RBM33: variants seen among roughly 807,000 people sequenced by gnomAD.
RBM33 encodes RNA binding motif protein 33, also known as RNA-binding protein 33.
In RBM33, 28 loss-of-function variants were observed where a neutral mutation model predicts 132.6. That is an observed-to-expected ratio of 0.21 (90% CI 0.16 to 0.29). RBM33 has a LOEUF of 0.29. Ranked by LOEUF, RBM33 falls within the 10% of genes least tolerant of loss-of-function variation. The pLI, the probability that RBM33 is intolerant of heterozygous loss-of-function variation, is 1.00. For missense variants in RBM33, 1,291 were observed against 1,518.5 expected, an observed-to-expected ratio of 0.85 and a Z score of 2.49; for synonymous variants, 634 against 593.0, an observed-to-expected ratio of 1.07 and a Z score of -1.01.
chr7:155,654,520 C>G (rs1320475489), intron 1 of RBM33, among the ~76,000 whole-genome samples: 1 of 152,176 alleles, frequency 6.6e-6, no homozygotes, highest in South Asian at 2.1e-4. Flanking sequence ...GACTACTTCT[C>G]TCTATGAGTG....
In RBM33 at chr7:155,711,520, A is replaced by AT. The variant is rs535073756; in HGVS notation, c.1201+70dup. The AT allele has an allele frequency of 3.2e-4, 358 of 1,103,810 alleles. No homozygotes were observed. In the African/African-American group the frequency reaches 5.2e-3, roughly 16 times the overall value. 68.4% of individuals were successfully genotyped at this position (1,103,810 alleles called of 1,614,324 possible). A position where few individuals can be genotyped will look rare whatever the true frequency, so the allele number is the denominator to read the frequency against. On this transcript the variant is annotated intron_variant, in intron 8 of 17. Coordinates refer to ENST00000401878, the MANE Select transcript of RBM33 (RefSeq NM_053043.3). The stretch of plus-strand genomic sequence containing the variant: ...CCAGCTTCCAATGGTTTGACTTAGG[A>AT]TTTTTCCACTGACGCGTTTTTGACT...
intron 9 of RBM33, among the ~76,000 whole-genome samples, chr7:155,733,876 C>G (rs1472298856): frequency 6.6e-6 from 1 of 152,190 alleles, no homozygotes; most frequent in African/African-American, 2.4e-5. Flanking sequence ...GTTCTTAAGT[C>G]TTCTAATCTG....
At chr7:155,762,239 C>CT (rs1293262509) in intron 14 of RBM33, among the ~76,000 whole-genome samples, 4 of 152,228 alleles carry the variant, frequency 2.6e-5, no homozygotes, top group Non-Finnish European at 5.9e-5. Context: ...GGTGTGCTGC[C>CT]TGTTCCAAAC....
intron 7 of RBM33, among the ~76,000 whole-genome samples, chr7:155,710,881 T>C (rs961394704): frequency 2.7e-5 from 4 of 150,026 alleles, no homozygotes; most frequent in Non-Finnish European, 2.9e-5. Context: ...CTTTGCTCAG[T>C]GTGGGCAGTT....
chr7:155,739,819 G>GGCCC lies in RBM33; in HGVS notation c.1842_1843insGCCC (p.Pro615AlafsTer71). On this transcript the variant is annotated frameshift_variant, in exon 12 of 18. Coordinates refer to ENST00000401878, the MANE Select transcript of RBM33 (RefSeq NM_053043.3). LOFTEE classifies it high-confidence loss of function. Reference sequence around the variant, plus strand: ...AGCCTCCGCACCAGCCCCCGCACCAGCCCCCGCCCCAGCACCAGCCCCCAC... The same window carrying GGCCC: ...AGCCTCCGCACCAGCCCCCGCACCAGGCCCCCCCCGCCCCAGCACCAGCCCCCAC... 8.5e-6 allele frequency: 4 copies of GGCCC among 469,802 alleles called. No homozygotes were observed. The highest frequency in any genetic ancestry group is 1.2e-5 in the Non-Finnish European group (4 of 333,160). 29.1% of individuals were successfully genotyped at this position (469,802 alleles called of 1,614,324 possible). A position where few individuals can be genotyped will look rare whatever the true frequency, so the allele number is the denominator to read the frequency against.
chr7:155,669,898 G>A (rs188248965), intron 2 of RBM33, among the ~76,000 whole-genome samples: 21 of 152,224 alleles, frequency 1.4e-4, no homozygotes, highest in African/African-American at 4.3e-4. Flanking sequence ...CCCAATGGGC[G>A]AATCCATCTG....
At chr7:155,685,026 G>T (rs1307147302) in intron 5 of RBM33, 2 of 1,550,280 alleles carry the variant, frequency 1.3e-6, no homozygotes, top group Non-Finnish European at 1.7e-6. Context: ...GATTACTGAT[G>T]CCCAGGTTGC....
At chr7:155,733,494 T>TTTAATGTCATAAGTTTTAGTATTTTAA (rs371707109) in intron 9 of RBM33, among the ~76,000 whole-genome samples, 2 of 152,212 alleles carry the variant, frequency 1.3e-5, no homozygotes, top group South Asian at 2.1e-4. Flanking sequence ...TCATAAGTTT[T>TTTAATGTCATAAGTTTTAGTATTTTAA]AGCTTCCTCA....
intron 14 of RBM33, among the ~76,000 whole-genome samples, chr7:155,755,600 G>A (rs1801823343): frequency 6.6e-6 from 1 of 152,186 alleles, no homozygotes; most frequent in Non-Finnish European, 1.5e-5. Context: ...CGTCTGATAG[G>A]TATAATCAAG....
chr7:155,648,757 G>A (rs1197198474), intron 1 of RBM33, among the ~76,000 whole-genome samples: 1 of 152,106 alleles, frequency 6.6e-6, no homozygotes, highest in East Asian at 1.9e-4. Flanking sequence ...TAGGGCAGGT[G>A]TACTAATGAC....
intron 14 of RBM33, among the ~76,000 whole-genome samples, chr7:155,759,486 C>T (rs560269344): frequency 1.1e-4 from 16 of 143,858 alleles, no homozygotes; most frequent in African/African-American, 3.1e-4. Flanking sequence ...GGTGCGATCT[C>T]GGCTCACTGC....
intron 14 of RBM33, among the ~76,000 whole-genome samples, chr7:155,753,270 A>C (rs973702374): frequency 6.6e-6 from 1 of 152,218 alleles, no homozygotes; most frequent in Non-Finnish European, 1.5e-5. Context: ...TTGCCTCCTG[A>C]AAGTCCTCCT....
chr7:155,673,017 G>A, intron 3 of RBM33, 102 bp downstream of exon 3: 1 of 677,980 alleles, frequency 1.5e-6, no homozygotes, highest in Non-Finnish European at 2.3e-6. Context: ...TGGAAAGTTG[G>A]GTATAGATTA....
At position 155,738,153 on chromosome 7, in the gene RBM33, A is replaced by G; in HGVS notation, c.1487A>G (p.His496Arg). Reference sequence around the variant, plus strand: ...CCTCCTACCCTTCTTAACAGTAGCCATCCTGTTCCTACTCAGAGTCCTCTA... The same window carrying G: ...CCTCCTACCCTTCTTAACAGTAGCCGTCCTGTTCCTACTCAGAGTCCTCTA... ...PPPPTLLNSS[H>R]PVPTQSPLPF... The change falls in exon 11 of 18, where the codon CAT becomes CGT. Residue 496 changes from histidine (H) to arginine (R), a missense_variant. By Grantham distance (29) the His-to-Arg change is conservative. Around this residue, in one of 7 missense-constraint regions of RBM33, gnomAD observed 841 missense variants for 912.0 expected, o/e 0.92. Coordinates refer to ENST00000401878, the MANE Select transcript of RBM33 (RefSeq NM_053043.3). 6.2e-7 allele frequency: 1 copy of G among 1,613,914 alleles called. No homozygotes were observed. Among genetic ancestry groups the G allele is most frequent in the Non-Finnish European group, 8.5e-7 (1 of 1,179,864 alleles).
At chr7:155,651,546 C>T (rs1201661225) in intron 1 of RBM33, among the ~76,000 whole-genome samples, 2 of 145,802 alleles carry the variant, frequency 1.4e-5, no homozygotes, top group African/African-American at 5.1e-5. Context: ...CACCACTGCA[C>T]TCCAGCCTGG....
intron 1 of RBM33, among the ~76,000 whole-genome samples, chr7:155,649,018 T>C (rs2116862709): frequency 6.6e-6 from 1 of 152,342 alleles, no homozygotes; most frequent in Non-Finnish European, 1.5e-5. Flanking sequence ...AGTGGTGAGC[T>C]TCTTGAATAT....
At chr7:155,661,227 C>T (rs1798641896) in intron 1 of RBM33, among the ~76,000 whole-genome samples, 1 of 148,558 alleles carries the variant, frequency 6.7e-6, no homozygotes, top group Non-Finnish European at 1.5e-5. Flanking sequence ...CAATCTCTGC[C>T]TCCCTGGTTC....
chr7:155,669,416 G>A (rs1169749489), intron 2 of RBM33, among the ~76,000 whole-genome samples: 2 of 152,090 alleles, frequency 1.3e-5, no homozygotes, highest in African/African-American at 4.8e-5. Context: ...GCAGTGGTGC[G>A]ATATCAGCTC....
rs1033005127 is a variant in RBM33, at chr7:155,777,942, C to T, written c.*2901C>T. The T allele has an allele frequency of 6.5e-6, 1 of 152,778 alleles. No homozygotes were observed. The highest frequency in any genetic ancestry group is 1.5e-5 in the Non-Finnish European group (1 of 68,032). 9.5% of individuals were successfully genotyped at this position (152,778 alleles called of 1,614,324 possible). ...CTGATTATGTGGAGCCAAGTTACTT[C>T]TTTTCTTTTTGCATTATCTTGTTTT... On this transcript the variant is annotated 3_prime_UTR_variant, in exon 18 of 18. Coordinates refer to ENST00000401878, the MANE Select transcript of RBM33 (RefSeq NM_053043.3).
Sources: allele counts gnomAD v4.1 joint callset (sites outside exome capture counted in the v4.1 genomes callset), GRCh38; gene constraint gnomAD v4.1.1; regional missense constraint gnomAD v4.1.1; transcripts MANE v1.5; gene names NCBI Gene and HGNC (gene_info 2026-07-23, HGNC 2026-07-21).